The following PDE4D variants were observed in gnomAD, a reference collection of about 807,000 sequenced individuals.
The protein encoded by PDE4D is phosphodiesterase 4D, also known as 3',5'-cyclic-AMP phosphodiesterase 4D.
In PDE4D, 24 loss-of-function variants were observed where a neutral mutation model predicts 87.4. The observed-to-expected ratio is 0.27, with a 90% CI of 0.20 to 0.39. The LOEUF is 0.39. PDE4D is among the 10% of genes least tolerant of loss of function. The probability of loss-of-function intolerance (pLI) is 1.00; values close to 1 mark genes in which losing one functional copy is unlikely to be tolerated. For synonymous variants in PDE4D, 384 were observed against 383.2 expected, an observed-to-expected ratio of 1.00 and a Z score of -0.02; for missense variants, 714 against 1,041.0, an observed-to-expected ratio of 0.69 and a Z score of 4.32.
Position 60,395,065 on chromosome 5 carries a change from G to A in PDE4D, c.-90+92877C>T, listed in dbSNP as rs149786194. The stretch of plus-strand genomic sequence containing the variant: ...AGCCTAGATTTTCTTCAAATGGCTC[G>A]GTCCCAAGACCTTCCTCATGCTCCA... On this transcript the variant is annotated intron_variant, in intron 1 of 16. Transcript: ENST00000502484. 4.3e-4 allele frequency among the ~76,000 whole-genome samples: 66 copies of A among 152,196 alleles called. 1 individual carries two copies. Among genetic ancestry groups the A allele is most frequent in the African/African-American group, 1.5e-3 (63 of 41,504 alleles).
chr5:59,422,109 G>A (rs528254757), intron 1 of PDE4D, among the ~76,000 whole-genome samples: 42 of 152,300 alleles, frequency 2.8e-4, no homozygotes, highest in Non-Finnish European at 4.6e-4. Context: ...TAGTCTGAGC[G>A]TTTGGAGAAT....
intron 3 of PDE4D, among the ~76,000 whole-genome samples, chr5:59,969,615 T>A (rs1333357361): frequency 6.6e-6 from 1 of 152,166 alleles, no homozygotes; most frequent in African/African-American, 2.4e-5. Flanking sequence ...ATTGTAGTTC[T>A]CATAATCCCC....
At chr5:60,463,153 C>T (rs1305809881) in intron 1 of PDE4D, among the ~76,000 whole-genome samples, 2 of 152,086 alleles carry the variant, frequency 1.3e-5, no homozygotes, top group Non-Finnish European at 2.9e-5. Flanking sequence ...TTGTGGATGG[C>T]CTTTTCTGGA....
chr5:59,464,090 C>A (rs1801175441), intron 1 of PDE4D, among the ~76,000 whole-genome samples: 2 of 152,214 alleles, frequency 1.3e-5, no homozygotes, highest in Admixed American at 1.3e-4. Context: ...CGGAAGGCTG[C>A]AGGGACCTCT....
At chr5:60,504,291 A>G (rs1487493298) in intron 1 of PDE4D, among the ~76,000 whole-genome samples, 1 of 151,082 alleles carries the variant, frequency 6.6e-6, no homozygotes, top group African/African-American at 2.4e-5. Flanking sequence ...GATCTTGCAT[A>G]TAGCTTTTGT....
In PDE4D at chr5:59,759,880, C is replaced by T. The variant is rs147953932; in HGVS notation, c.455+133288G>A. Among the ~76,000 whole-genome samples, 1,043 of 152,226 alleles carry T rather than the reference C, an allele frequency of 6.9e-3. 14 individuals carry two copies. Among genetic ancestry groups the T allele is most frequent in the African/African-American group, 0.023 (952 of 41,532 alleles). ...GGAGACTGGCAGCAATGCTCTTCTC[C>T]GGGTATTATTACCATAAGAGACAGA... On this transcript the variant is annotated intron_variant, in intron 1 of 14. Transcript: ENST00000340635.
intron 3 of PDE4D, among the ~76,000 whole-genome samples, chr5:59,965,232 C>T (rs1382450491): frequency 2.6e-5 from 4 of 152,132 alleles, no homozygotes; most frequent in Non-Finnish European, 5.9e-5. Context: ...TTGTCCCCCT[C>T]AGCATACAAC....
intron 1 of PDE4D, among the ~76,000 whole-genome samples, chr5:59,424,572 G>T (rs1291301808): frequency 6.6e-6 from 1 of 152,164 alleles, no homozygotes; most frequent in Non-Finnish European, 1.5e-5. Flanking sequence ...GCAGCAGGAA[G>T]GAGAAAGAGT....
chr5:60,254,962 T>G (rs750245018), intron 1 of PDE4D, among the ~76,000 whole-genome samples: 2 of 151,882 alleles, frequency 1.3e-5, no homozygotes, highest in Admixed American at 1.3e-4. Flanking sequence ...AGTACTCTCA[T>G]TCTCATAGCA....
chr5:59,224,923 C>G (rs541206057), intron 1 of PDE4D, among the ~76,000 whole-genome samples: 2 of 152,274 alleles, frequency 1.3e-5, no homozygotes, highest in East Asian at 3.9e-4. Flanking sequence ...CTGTTTAGGC[C>G]ACCAGTCTAG....
intron 2 of PDE4D, among the ~76,000 whole-genome samples, chr5:60,176,033 T>G (rs1406618207): frequency 6.6e-6 from 1 of 152,152 alleles, no homozygotes; most frequent in South Asian, 2.1e-4. Flanking sequence ...GGGAAATGGT[T>G]GTGGGTTTGA....
Position 59,193,970 on chromosome 5 carries a change from C to T in PDE4D, c.648-434G>A, listed in dbSNP as rs1744892920. On this transcript the variant is annotated intron_variant, in intron 2 of 14. Transcript: ENST00000340635. ...AAGGTGATTAGCATGGAGTGTTCCA[C>T]ATCATCCCGTGTAAGTCTTGGACAG... Among the ~76,000 whole-genome samples, 10 of 152,312 alleles carry T rather than the reference C, an allele frequency of 6.6e-5. No individual in the cohort carries two copies. The South Asian group carries it at 2.1e-3, about 32-fold the overall frequency.
chr5:60,056,726 C>G (rs1049701451), intron 2 of PDE4D, among the ~76,000 whole-genome samples: 5 of 152,016 alleles, frequency 3.3e-5, no homozygotes, highest in African/African-American at 1.2e-4. Flanking sequence ...CTTTAAAATA[C>G]AGTGTCCTTT....
At chr5:59,999,536 AAAAAACAAAAC>A (rs1481375948) in intron 2 of PDE4D, among the ~76,000 whole-genome samples, 1 of 128,650 alleles carries the variant, frequency 7.8e-6, no homozygotes, top group Non-Finnish European at 1.7e-5. Context: ...TAAAAAAAAA[AAAAAACAAAAC>A]AAAACTGGAG....
intron 1 of PDE4D, among the ~76,000 whole-genome samples, chr5:59,319,570 T>C (rs957102515): frequency 6.6e-6 from 1 of 152,132 alleles, no homozygotes; most frequent in African/African-American, 2.4e-5. Flanking sequence ...AGACTGGTCT[T>C]ATGTAAATTT....
chr5:59,606,941 G>A lies in PDE4D; in HGVS notation c.455+286227C>T, dbSNP rs543195124. The stretch of plus-strand genomic sequence containing the variant: ...TTTCTATTTCTTTCTTACAGAAGGG[G>A]GGGAAGGGGACATGTTTTATAATTT... On this transcript the variant is annotated intron_variant, in intron 1 of 14. Transcript: ENST00000340635. Among the ~76,000 whole-genome samples the A allele has an allele frequency of 8.9e-4, 136 of 152,042 alleles. 1 individual carries two copies. The East Asian group carries it at 0.022, about 25-fold the overall frequency.
intron 1 of PDE4D, among the ~76,000 whole-genome samples, chr5:60,474,106 A>ATATATATATATGTGTATG (rs70975389): frequency 1.4e-3 from 18 of 12,662 alleles, no homozygotes; most frequent in Non-Finnish European, 2.1e-3. Context: ...TTGAGCTGCC[A>ATATATATATATGTGTATG]TATATATATA....
Position 59,215,552 on chromosome 5 carries a change from CGTGTGTGTGT to C in PDE4D, c.647+215_647+224del, listed in dbSNP as rs10693866. On this transcript the variant is annotated intron_variant, in intron 2 of 14. Coordinates refer to ENST00000340635, the MANE Select transcript of PDE4D (RefSeq NM_001104631.2). ...TATTTTCTGGGAAAATAAATACATG[CGTGTGTGTGT>C]GTGTGTGTGTGTGTGTGTGTGTGTG... 1,803 of 364,074 alleles carry C rather than the reference CGTGTGTGTGT, an allele frequency of 5.0e-3. 5 individuals carry two copies. The highest frequency in any genetic ancestry group is 0.017 in the African/African-American group (669 of 40,482). The allele number at this position is 364,074 out of a possible 1,614,324, so 22.6% of individuals were successfully genotyped here.
chr5:59,422,092 C>T (rs1183372915), intron 1 of PDE4D, among the ~76,000 whole-genome samples: 1 of 152,122 alleles, frequency 6.6e-6, no homozygotes, highest in African/African-American at 2.4e-5. Flanking sequence ...AAAATAGGCA[C>T]CTAACATAGT....
Sources: gnomAD v4.1 joint callset for allele counts (sites outside exome capture counted in the v4.1 genomes callset) on GRCh38, gnomAD v4.1.1 for gene constraint, MANE v1.5 for transcripts, NCBI Gene and HGNC (gene_info 2026-07-23, HGNC 2026-07-21) for gene names.